The following RSU1 variants were observed in gnomAD, a reference collection of about 807,000 sequenced individuals.
RSU1 encodes the protein rsu-1.
RSU1 carries 26 observed loss-of-function variants against 31.1 expected under a neutral mutation model. The ratio of observed to expected loss-of-function variants is 0.84; its 90% confidence interval spans 0.61 to 1.16. The LOEUF (loss-of-function observed/expected upper bound fraction) is 1.16, where lower values mean the gene tolerates loss of function less well. RSU1 is among the 50% of genes most tolerant of loss of function. The pLI is 0.00. For missense variants in RSU1, 320 were observed against 339.1 expected (o/e 0.94, Z 0.44); for synonymous variants, 164 against 136.3 (o/e 1.20, Z -1.41).
chr10:16,781,710 G>A (rs1202510289), intron 3 of RSU1, among the ~76,000 whole-genome samples: 3 of 152,184 alleles, frequency 2.0e-5, no homozygotes, highest in African/African-American at 7.2e-5. Flanking sequence ...CTTCAGGCCA[G>A]GCGCCACGGT....
intron 2 of RSU1, among the ~76,000 whole-genome samples, chr10:16,785,959 C>G (rs1837783275): frequency 6.6e-6 from 1 of 152,204 alleles, no homozygotes; most frequent in South Asian, 2.1e-4. Flanking sequence ...CCGATCAAGG[C>G]AACTTCCCCA....
rs796601054 is a variant in RSU1 at position 16,660,645 on chromosome 10, C to CTTTTTTTTT, written c.731+34369_731+34377dup. On this transcript the variant is annotated intron_variant, in intron 8 of 8. Coordinates refer to ENST00000345264, the MANE Select transcript of RSU1 (RefSeq NM_012425.4). Reference sequence around the variant, plus strand: ...TCCAGTTCATTTATTCTTGAACTCTCTTTTTTTTTTTTTTTTTTTGAGGAA... The same window carrying CTTTTTTTTT: ...TCCAGTTCATTTATTCTTGAACTCTCTTTTTTTTTTTTTTTTTTTTTTTTTTTTGAGGAA... 9.5e-3 allele frequency among the ~76,000 whole-genome samples: 754 copies of CTTTTTTTTT among 79,448 alleles called. 72 individuals carry two copies. Among genetic ancestry groups the CTTTTTTTTT allele is most frequent in the African/African-American group, 0.023 (391 of 16,994 alleles). 52.1% of individuals were successfully genotyped at this position (79,448 alleles called of 152,430 possible).
chr10:16,606,594 G>A (rs1001832178), intron 8 of RSU1, among the ~76,000 whole-genome samples: 1 of 152,106 alleles, frequency 6.6e-6, no homozygotes, highest in Non-Finnish European at 1.5e-5. Flanking sequence ...TCATCACCAG[G>A]GCAGGATTCC....
At chr10:16,681,031 T>A (rs2080266054) in intron 8 of RSU1, among the ~76,000 whole-genome samples, 1 of 152,318 alleles carries the variant, frequency 6.6e-6, no homozygotes, top group East Asian at 1.9e-4. Flanking sequence ...TATTTAGCAG[T>A]CTTAGCCTTA....
chr10:16,776,926 AT>A (rs997799798), intron 3 of RSU1, among the ~76,000 whole-genome samples: 8 of 149,298 alleles, frequency 5.4e-5, no homozygotes, highest in African/African-American at 1.2e-4. Flanking sequence ...TTTTTTTTTA[AT>A]TTTTTTTTTG....
intron 8 of RSU1, among the ~76,000 whole-genome samples, chr10:16,619,324 C>T (rs1298092542): frequency 1.3e-5 from 2 of 152,176 alleles, no homozygotes; most frequent in Admixed American, 6.5e-5. Flanking sequence ...CACGTGGTTC[C>T]AGATAGGAGT....
At chr10:16,624,180 G>A (rs1834117733) in intron 8 of RSU1, among the ~76,000 whole-genome samples, 1 of 151,742 alleles carries the variant, frequency 6.6e-6, no homozygotes, top group African/African-American at 2.4e-5. Flanking sequence ...AGGGTATCAG[G>A]TCCCTGCAGG....
At chr10:16,768,108 A>G (rs1254428978) in intron 3 of RSU1, among the ~76,000 whole-genome samples, 1 of 152,170 alleles carries the variant, frequency 6.6e-6, no homozygotes, top group African/African-American at 2.4e-5. Flanking sequence ...TTTTTCATCA[A>G]TCTGTCCAGC....
chr10:16,800,097 C>A (rs186409327), intron 2 of RSU1, among the ~76,000 whole-genome samples: 1 of 152,084 alleles, frequency 6.6e-6, no homozygotes, highest in Non-Finnish European at 1.5e-5. Context: ...AAATTTTACC[C>A]TCTGACACCC....
intron 4 of RSU1, among the ~76,000 whole-genome samples, chr10:16,757,116 CGTGT>C (rs368041257): frequency 7.3e-6 from 1 of 137,584 alleles, no homozygotes; most frequent in Admixed American, 7.2e-5. Context: ...TGTGGGTGTG[CGTGT>C]GTGTGTGTGG....
intron 4 of RSU1, among the ~76,000 whole-genome samples, chr10:16,760,386 G>A (rs1837183399): frequency 6.6e-6 from 1 of 151,884 alleles, no homozygotes; most frequent in South Asian, 2.1e-4. Flanking sequence ...GTGTGCACTT[G>A]TAATCCCAAC....
chr10:16,723,125 T>C (rs1398401769), intron 7 of RSU1: 2 of 151,960 alleles, frequency 1.3e-5, no homozygotes, highest in Non-Finnish European at 2.9e-5. Flanking sequence ...TGGCACATAA[T>C]TTGAGCTGGG....
chr10:16,607,444 G>A (rs1005431389), intron 8 of RSU1, among the ~76,000 whole-genome samples: 2 of 152,206 alleles, frequency 1.3e-5, no homozygotes, highest in African/African-American at 4.8e-5. Flanking sequence ...AGAGTGCAGG[G>A]CAGAGAATGG....
At chr10:16,788,083 C>T (rs1837832048) in intron 2 of RSU1, among the ~76,000 whole-genome samples, 1 of 151,670 alleles carries the variant, frequency 6.6e-6, no homozygotes, top group African/African-American at 2.4e-5. Context: ...GATGTATAGT[C>T]TGACATGAAA....
At chr10:16,645,618 G>A (rs963442990) in intron 8 of RSU1, among the ~76,000 whole-genome samples, 1 of 151,662 alleles carries the variant, frequency 6.6e-6, no homozygotes, top group East Asian at 2.0e-4. Flanking sequence ...GACCAGGCTG[G>A]GCAACATGGC....
intron 8 of RSU1, among the ~76,000 whole-genome samples, chr10:16,690,299 T>C (rs915670919): frequency 2.8e-4 from 42 of 152,258 alleles, no homozygotes; most frequent in African/African-American, 9.1e-4. Flanking sequence ...CAGTGGAGCA[T>C]GTAGGATGTA....
intron 7 of RSU1, among the ~76,000 whole-genome samples, chr10:16,713,266 C>G (rs1334022310): frequency 6.6e-6 from 1 of 152,206 alleles, no homozygotes; most frequent in Non-Finnish European, 1.5e-5. Context: ...AAGTTTTCAT[C>G]TATTATTTCA....
intron 7 of RSU1, chr10:16,721,629 G>A (rs1365347165): frequency 6.6e-6 from 1 of 152,220 alleles, no homozygotes; most frequent in Non-Finnish European, 1.5e-5. Flanking sequence ...CTAGATCCAA[G>A]ATCAACCCTT....
intron 7 of RSU1, among the ~76,000 whole-genome samples, chr10:16,737,785 T>C (rs1836661017): frequency 6.6e-6 from 1 of 151,302 alleles, no homozygotes; most frequent in African/African-American, 2.4e-5. Context: ...TACTGGGAGT[T>C]ATAACATATC....
Sources: allele counts gnomAD v4.1 joint callset (sites outside exome capture counted in the v4.1 genomes callset), GRCh38; gene constraint gnomAD v4.1.1; transcripts MANE v1.5; gene names NCBI Gene and HGNC (gene_info 2026-07-23, HGNC 2026-07-21).